The following SEMA3A variants were observed in gnomAD, a reference collection of about 807,000 sequenced individuals.
SEMA3A encodes the protein semaphorin-3A.
Under a neutral mutation model 97.9 loss-of-function variants are expected in SEMA3A, and 29 were observed. The observed-to-expected ratio is 0.30, with a 90% CI of 0.22 to 0.40. The LOEUF is 0.40. SEMA3A is among the 10% of genes least tolerant of loss of function. The probability of loss-of-function intolerance (pLI) is 1.00; values close to 1 mark genes in which losing one functional copy is unlikely to be tolerated. For synonymous variants in SEMA3A, 321 were observed against 323.7 expected, an observed-to-expected ratio of 0.99 and a Z score of 0.09; for missense variants, 763 against 951.3, an observed-to-expected ratio of 0.80 and a Z score of 2.60.
At chr7:84,349,145 G>C (rs1222374719) in intron 2 of SEMA3A, among the ~76,000 whole-genome samples, 1 of 152,054 alleles carries the variant, frequency 6.6e-6, no homozygotes, top group African/African-American at 2.4e-5. Flanking sequence ...TTCTGTATAG[G>C]AGTTACATGA....
rs545581781 is a variant in SEMA3A at position 84,333,035 on chromosome 7, C to A, written c.-168-25743G>T. On this transcript the variant is annotated intron_variant, in intron 2 of 3. Coordinates refer to the SEMA3A transcript ENST00000424555. ...CAGGACTTGATTTAGGGAGTCAATT[C>A]ATTAGTTATTTAGTTACCTCCATTG... is the stretch of plus-strand genomic sequence containing the variant. Among the ~76,000 whole-genome samples, 157 of 152,108 alleles carry A rather than the reference C, an allele frequency of 1.0e-3. 1 individual carries two copies. Among genetic ancestry groups the A allele is most frequent in the Non-Finnish European group, 1.8e-3 (125 of 67,954 alleles).
chr7:83,997,829 TG>T (rs1030861438), intron 12 of SEMA3A, among the ~76,000 whole-genome samples: 3 of 151,822 alleles, frequency 2.0e-5, no homozygotes, highest in Non-Finnish European at 4.4e-5. Context: ...CTCCATCTCC[TG>T]GGTTCAAGTG....
intron 1 of SEMA3A, among the ~76,000 whole-genome samples, chr7:84,164,175 A>G (rs939769002): frequency 6.6e-6 from 1 of 152,118 alleles, no homozygotes; most frequent in African/African-American, 2.4e-5. Context: ...AATATGTTTC[A>G]TCATAAAACC....
intron 11 of SEMA3A, among the ~76,000 whole-genome samples, chr7:84,003,515 A>T (rs6964973): frequency 1.3e-5 from 2 of 152,252 alleles, no homozygotes; most frequent in South Asian, 4.1e-4. Context: ...GTACTGACCA[A>T]TAGCCATCCA....
At chr7:84,273,539 G>C (rs529100241) in intron 3 of SEMA3A, among the ~76,000 whole-genome samples, 2 of 152,134 alleles carry the variant, frequency 1.3e-5, no homozygotes, top group Non-Finnish European at 2.9e-5. Context: ...CCTGAATGTC[G>C]CACATTTTCC....
intron 1 of SEMA3A, among the ~76,000 whole-genome samples, chr7:84,135,385 A>G (rs1461118332): frequency 6.6e-6 from 1 of 152,066 alleles, no homozygotes; most frequent in Non-Finnish European, 1.5e-5. Flanking sequence ...TGCTGGGATT[A>G]CAGGTGTGAG....
At chr7:84,127,153 G>T (rs754712552) in intron 3 of SEMA3A, among the ~76,000 whole-genome samples, 2 of 151,786 alleles carry the variant, frequency 1.3e-5, no homozygotes, top group Non-Finnish European at 2.9e-5. Context: ...TCACAAGAAG[G>T]CCCTGACTTT....
chr7:84,476,578 T>G lies in SEMA3A; in HGVS notation c.-246+15882A>C, dbSNP rs183497324. The stretch of plus-strand genomic sequence containing the variant: ...TTGTAGGCATTCAAGTGCCTAAAAG[T>G]ATATAAAATTCTATCATTTGTAAAT... On this transcript the variant is annotated intron_variant, in intron 1 of 3. Transcript: ENST00000424555. 3.3e-5 allele frequency among the ~76,000 whole-genome samples: 5 copies of G among 152,144 alleles called. No homozygotes were observed. In the East Asian group the frequency reaches 9.6e-4, roughly 29 times the overall value.
At chr7:84,195,290 C>T (rs973449413), upstream of SEMA3A, 1 of 152,152 alleles carries the variant, frequency 6.6e-6, no homozygotes, top group African/African-American at 2.4e-5. Context: ...AAATTTACTT[C>T]CCAAGGCAAG....
intron 12 of SEMA3A, among the ~76,000 whole-genome samples, chr7:83,988,868 T>C (rs1308792711): frequency 6.6e-6 from 1 of 151,230 alleles, no homozygotes; most frequent in African/African-American, 2.4e-5. Flanking sequence ...AGCTTTTTTT[T>C]TTTTTTTTTC....
intron 1 of SEMA3A, among the ~76,000 whole-genome samples, chr7:84,410,960 G>A (rs774558202): frequency 1.1e-4 from 16 of 150,656 alleles, no homozygotes; most frequent in Non-Finnish European, 1.3e-4. Flanking sequence ...TGTCGTTGTC[G>A]GGGGATTGTA....
chr7:84,219,316 C>T (rs1175867568), intron 3 of SEMA3A, among the ~76,000 whole-genome samples: 2 of 152,110 alleles, frequency 1.3e-5, no homozygotes, highest in Non-Finnish European at 2.9e-5. Context: ...AGAACTACTC[C>T]TTAGTATGAT....
chr7:84,009,121 C>T (rs550786731), intron 9 of SEMA3A, among the ~76,000 whole-genome samples: 3 of 152,306 alleles, frequency 2.0e-5, no homozygotes, highest in Admixed American at 1.3e-4. Context: ...CTTGTTTGAA[C>T]TGCATATTCT....
intron 12 of SEMA3A, among the ~76,000 whole-genome samples, chr7:83,995,626 C>T (rs767502618): frequency 3.9e-5 from 6 of 152,126 alleles, no homozygotes; most frequent in African/African-American, 9.7e-5. Context: ...GTGAATATGA[C>T]TTCCATTTAA....
chr7:84,118,533 T>C (rs913898240), intron 3 of SEMA3A, among the ~76,000 whole-genome samples: 3 of 152,200 alleles, frequency 2.0e-5, no homozygotes, highest in African/African-American at 7.2e-5. Flanking sequence ...CGTGGGGCAG[T>C]ACCTGGGCCT....
intron 6 of SEMA3A, 85 bp from the exon 7 acceptor site, chr7:84,014,436 CTCTT>C (rs1406006699): frequency 1.9e-6 from 2 of 1,026,012 alleles, no homozygotes; most frequent in African/African-American, 1.7e-5. Context: ...CTTTTTTTAA[CTCTT>C]AATTGATATA....
In SEMA3A at chr7:84,154,541, T is replaced by C. The variant is rs539714990; in HGVS notation, c.113-19590A>G. Among the ~76,000 whole-genome samples, 9 of 151,334 alleles carry C rather than the reference T, an allele frequency of 5.9e-5. No homozygotes were observed. In the South Asian group the frequency reaches 6.3e-4, roughly 11 times the overall value. ...AAATACAAAAATTAGCCGGGCATGGTGGTGGGCGCCTGTAATCCCAGCTAC... is the reference window on the plus strand; with the variant it reads ...AAATACAAAAATTAGCCGGGCATGGCGGTGGGCGCCTGTAATCCCAGCTAC... On this transcript the variant is annotated intron_variant, in intron 1 of 16. Coordinates refer to ENST00000265362, the MANE Select transcript of SEMA3A (RefSeq NM_006080.3).
intron 5 of SEMA3A, among the ~76,000 whole-genome samples, chr7:84,047,418 G>C (rs762275833): frequency 6.6e-6 from 1 of 151,986 alleles, no homozygotes; most frequent in East Asian, 1.9e-4. Context: ...TTATTTTACA[G>C]TTCAAGAAAT....
rs191168784 is a variant in SEMA3A at position 83,996,763 on chromosome 7, T to A, written c.1452+5192A>T. On this transcript the variant is annotated intron_variant, in intron 12 of 16. Transcript: ENST00000265362. ...AGTTCAGGTTTATGATTGCAAATCA[T>A]TTTTGGAATTAGGCTTGTTTCTTAG... 2.0e-5 allele frequency among the ~76,000 whole-genome samples: 3 copies of A among 152,320 alleles called. No homozygotes were observed. In the East Asian group the frequency reaches 5.8e-4, roughly 29 times the overall value.
Sources: gnomAD v4.1 joint callset for allele counts (sites outside exome capture counted in the v4.1 genomes callset) on GRCh38, gnomAD v4.1.1 for gene constraint, MANE v1.5 for transcripts, NCBI Gene and HGNC (gene_info 2026-07-23, HGNC 2026-07-21) for gene names.